The following LARGE1 variants were observed in gnomAD, a reference collection of about 807,000 sequenced individuals.
The protein encoded by LARGE1 is xylosyl- and glucuronyltransferase LARGE1.
Under a neutral mutation model 87.6 loss-of-function variants are expected in LARGE1, and 43 were observed. The observed-to-expected ratio is 0.49, with a 90% CI of 0.38 to 0.63. LARGE1 has a LOEUF of 0.63. Ranked by LOEUF, LARGE1 falls within the 30% of genes least tolerant of loss-of-function variation. The pLI, the probability that LARGE1 is intolerant of heterozygous loss-of-function variation, is 0.00. For missense variants in LARGE1, 802 were observed against 1,000.2 expected (o/e 0.80, Z 2.67); for synonymous variants, 434 against 394.6 (o/e 1.10, Z -1.18).
intron 6 of LARGE1, among the ~76,000 whole-genome samples, chr22:33,450,591 A>T (rs2067871337): frequency 6.6e-6 from 1 of 150,682 alleles, no homozygotes; most frequent in African/African-American, 2.5e-5. Context: ...TGGGCAACAA[A>T]GCAAGATTCT....
intron 1 of LARGE1, among the ~76,000 whole-genome samples, chr22:33,874,068 G>A (rs575193931): frequency 3.3e-5 from 5 of 151,720 alleles, no homozygotes; most frequent in East Asian, 1.9e-4. Flanking sequence ...CCTCTGCTCA[G>A]GGAACTTAAA....
chr22:33,807,236 A>T (rs529543843), intron 1 of LARGE1, among the ~76,000 whole-genome samples: 4 of 152,148 alleles, frequency 2.6e-5, no homozygotes, highest in Non-Finnish European at 4.4e-5. Flanking sequence ...AATCAGGAGG[A>T]CAGTCATGTT....
intron 6 of LARGE1, among the ~76,000 whole-genome samples, chr22:33,525,505 T>C (rs570315528): frequency 1.3e-5 from 2 of 152,316 alleles, no homozygotes; most frequent in African/African-American, 4.8e-5. Flanking sequence ...GAAAAACAAA[T>C]GCAAGTGATA....
chr22:33,543,651 T>A (rs2077274501), intron 6 of LARGE1, among the ~76,000 whole-genome samples: 1 of 152,254 alleles, frequency 6.6e-6, no homozygotes. Context: ...GAGACTTTAC[T>A]GAGACTTAAG....
intron 5 of LARGE1, chr22:33,572,250 T>C: frequency 7.9e-7 from 1 of 1,264,392 alleles, no homozygotes; most frequent in Non-Finnish European, 1.0e-6. Flanking sequence ...CATTTGCCTT[T>C]CATGTTGTTT....
At chr22:33,771,544 TA>T (rs2085069003) in intron 1 of LARGE1, among the ~76,000 whole-genome samples, 1 of 152,186 alleles carries the variant, frequency 6.6e-6, no homozygotes, top group East Asian at 1.9e-4. Context: ...TCCTGAATGA[TA>T]AATTTTAGGG....
At chr22:33,816,310 C>T (rs1034570704) in intron 1 of LARGE1, among the ~76,000 whole-genome samples, 1 of 152,112 alleles carries the variant, frequency 6.6e-6, no homozygotes, top group Non-Finnish European at 1.5e-5. Context: ...ATGCCACCGA[C>T]TAGGTAGCTT....
intron 2 of LARGE1, among the ~76,000 whole-genome samples, chr22:33,745,794 G>C (rs543832860): frequency 2.0e-5 from 3 of 152,042 alleles, no homozygotes; most frequent in African/African-American, 7.2e-5. Context: ...AGACACAACC[G>C]AGCCCACTGA....
intron 1 of LARGE1, among the ~76,000 whole-genome samples, chr22:33,905,429 G>A (rs2065417783): frequency 6.6e-6 from 1 of 152,028 alleles, no homozygotes; most frequent in East Asian, 1.9e-4. Flanking sequence ...CTGACATAAA[G>A]TTTTCATCCT....
At chr22:33,656,860 G>T (rs1385731007) in intron 2 of LARGE1, 2 of 152,190 alleles carry the variant, frequency 1.3e-5, no homozygotes, top group Non-Finnish European at 2.9e-5. Context: ...CACTTGAGAT[G>T]AATGTTCTGA....
chr22:33,191,402 G>A (rs1312568354), intron 11 of LARGE1, among the ~76,000 whole-genome samples: 1 of 152,146 alleles, frequency 6.6e-6, no homozygotes, highest in African/African-American at 2.4e-5. Context: ...TCTCTGGAGC[G>A]GTGCGCCCAG....
At chr22:33,614,757 T>C (rs922029175) in intron 4 of LARGE1, among the ~76,000 whole-genome samples, 1 of 152,214 alleles carries the variant, frequency 6.6e-6, no homozygotes, top group Non-Finnish European at 1.5e-5. Flanking sequence ...GAAATCTCCA[T>C]GTTAACCTCC....
chr22:33,894,177 T>C (rs1484966887), intron 1 of LARGE1, among the ~76,000 whole-genome samples: 1 of 152,100 alleles, frequency 6.6e-6, no homozygotes, highest in Non-Finnish European at 1.5e-5. Flanking sequence ...GTGTCTTCTC[T>C]ACTTCCTGTT....
chr22:33,094,474 G>T, the LARGE1 span, among the ~76,000 whole-genome samples: 1 of 152,046 alleles, frequency 6.6e-6, no homozygotes, highest in Non-Finnish European at 1.5e-5. Context: ...CCCACCCTTA[G>T]CTACAGCCTT....
chr22:33,140,682 A>G, the LARGE1 span, among the ~76,000 whole-genome samples: 5 of 151,872 alleles, frequency 3.3e-5, no homozygotes, highest in Non-Finnish European at 5.9e-5. Context: ...CAGCTTTTGG[A>G]CTCTTGGACT....
At chr22:33,854,036 A>T (rs1258132038) in intron 1 of LARGE1, among the ~76,000 whole-genome samples, 4 of 152,128 alleles carry the variant, frequency 2.6e-5, no homozygotes, top group Admixed American at 6.5e-5. Context: ...CAGTCCTTGT[A>T]GAGGCTGAAC....
intron 7 of LARGE1, among the ~76,000 whole-genome samples, chr22:33,395,196 T>G (rs1601692315): frequency 7.9e-6 from 1 of 126,586 alleles, no homozygotes; most frequent in South Asian, 2.7e-4. Context: ...GCCGCTGCAC[T>G]CCAGCCTGGG....
chr22:33,465,610 C>A (rs1179879238), intron 6 of LARGE1, among the ~76,000 whole-genome samples: 1 of 152,176 alleles, frequency 6.6e-6, no homozygotes, highest in Non-Finnish European at 1.5e-5. Context: ...GGTGCCAGTA[C>A]CATAAGGCGT....
chr22:33,744,948 C>G (rs759184421), intron 2 of LARGE1, among the ~76,000 whole-genome samples: 3 of 152,164 alleles, frequency 2.0e-5, no homozygotes, highest in Non-Finnish European at 4.4e-5. Flanking sequence ...GATGCTAGTG[C>G]CTCCCTGGGT....
Sources: allele counts gnomAD v4.1 joint callset (sites outside exome capture counted in the v4.1 genomes callset), GRCh38; gene constraint gnomAD v4.1.1; transcripts MANE v1.5; gene names NCBI Gene and HGNC (gene_info 2026-07-23, HGNC 2026-07-21).